UST: variants seen among roughly 807,000 people sequenced by gnomAD.
UST encodes the protein uronyl 2-sulfotransferase, also known as chondroitin sulfate 2-O-sulfotransferase.
Under a neutral mutation model 45.6 loss-of-function variants are expected in UST, and 21 were observed. The observed-to-expected ratio is 0.46, with a 90% confidence interval of 0.33 to 0.66. The LOEUF (loss-of-function observed/expected upper bound fraction) is 0.66. Among genes scored for constraint, UST ranks in the 30% least tolerant of loss-of-function variants. UST has a pLI of 0.02. For synonymous variants in UST, 215 were observed against 200.6 expected (o/e 1.07, Z -0.61); for missense variants, 463 against 512.4 (o/e 0.90, Z 0.93).
intron 1 of UST, among the ~76,000 whole-genome samples, chr6:148,830,223 C>A (rs1436460807): frequency 6.6e-6 from 1 of 152,202 alleles, no homozygotes; most frequent in Non-Finnish European, 1.5e-5. Flanking sequence ...CTGGACCACA[C>A]CCACCAATTT....
At chr6:149,009,491 T>C (rs778771086) in intron 5 of UST, among the ~76,000 whole-genome samples, 31 of 151,868 alleles carry the variant, frequency 2.0e-4, no homozygotes, top group Non-Finnish European at 2.9e-4. Flanking sequence ...AGGTCTACCA[T>C]GTGAGATTTC....
At chr6:148,999,323 A>G (rs999397165) in intron 5 of UST, among the ~76,000 whole-genome samples, 1 of 152,252 alleles carries the variant, frequency 6.6e-6, no homozygotes, top group Non-Finnish European at 1.5e-5. Context: ...AAATTTCATT[A>G]TCTTCAAAGA....
At chr6:148,922,364 G>A (rs964095678) in intron 2 of UST, among the ~76,000 whole-genome samples, 1 of 80,646 alleles carries the variant, frequency 1.2e-5, no homozygotes, top group African/African-American at 6.3e-5. Flanking sequence ...TACAATATGT[G>A]GCCTTTATGT....
intron 7 of UST, among the ~76,000 whole-genome samples, chr6:149,064,301 A>T (rs1383167656): frequency 6.6e-6 from 1 of 152,202 alleles, no homozygotes; most frequent in Non-Finnish European, 1.5e-5. Context: ...TTCGGGCTTC[A>T]CCACTTACCA....
At chr6:148,931,816 A>G (rs916865199) in intron 2 of UST, among the ~76,000 whole-genome samples, 15 of 152,236 alleles carry the variant, frequency 9.9e-5, no homozygotes, top group African/African-American at 3.6e-4. Flanking sequence ...AATTTTGATC[A>G]TAAAAGCCAT....
intron 5 of UST, among the ~76,000 whole-genome samples, chr6:149,014,419 C>A (rs544701971): frequency 9.2e-5 from 14 of 152,320 alleles, no homozygotes; most frequent in African/African-American, 3.4e-4. Context: ...GTGCCAGGTC[C>A]CAGCTGATGG....
intron 1 of UST, among the ~76,000 whole-genome samples, chr6:148,797,412 G>C (rs1374660837): frequency 1.3e-5 from 2 of 152,086 alleles, no homozygotes. Flanking sequence ...AAATCCAAAG[G>C]TCAATACATT....
intron 1 of UST, among the ~76,000 whole-genome samples, chr6:148,878,152 G>A (rs1778734935): frequency 8.9e-6 from 1 of 112,516 alleles, no homozygotes; most frequent in East Asian, 3.2e-4. Flanking sequence ...TGCGGGGGTC[G>A]TGTGTGAGTG....
chr6:148,767,847 T>A (rs1294111359), intron 1 of UST, among the ~76,000 whole-genome samples: 2 of 152,306 alleles, frequency 1.3e-5, no homozygotes, highest in Admixed American at 6.5e-5. Context: ...CTTTATATAT[T>A]TTTTTACAAC....
intron 1 of UST, among the ~76,000 whole-genome samples, chr6:148,759,555 AAT>A (rs112093336): frequency 9.0e-5 from 13 of 144,460 alleles, no homozygotes; most frequent in African/African-American, 3.1e-4. Context: ...AAAATAAAAA[AAT>A]AAAAGAATGC....
rs1320465125 is a variant in UST at position 148,790,429 on chromosome 6, G to C, written c.247+42752G>C. On this transcript the variant is annotated intron_variant, in intron 1 of 7. Transcript: ENST00000367463. This position sits in a 1 kb window ranked among gnomAD's most constrained non-coding sequence, Gnocchi z 4.2. Reference sequence around the variant, plus strand: ...AAAAAGAGGCCACTGGTTCAGATGAGGGCAAGGCAGTTGCCCAGGGGTAGA... The same window carrying C: ...AAAAAGAGGCCACTGGTTCAGATGACGGCAAGGCAGTTGCCCAGGGGTAGA... 6.6e-6 allele frequency among the ~76,000 whole-genome samples: 1 copy of C among 152,204 alleles called. No homozygotes were observed. The highest frequency in any genetic ancestry group is 1.5e-5 in the Non-Finnish European group (1 of 68,028).
At chr6:148,901,271 G>A (rs949833076) in intron 2 of UST, among the ~76,000 whole-genome samples, 29 of 152,190 alleles carry the variant, frequency 1.9e-4, no homozygotes, top group African/African-American at 7.0e-4. Flanking sequence ...TTGATAGTTT[G>A]ACATGATATG....
chr6:148,834,272 A>AT (rs1337001449), intron 1 of UST, among the ~76,000 whole-genome samples: 1 of 152,242 alleles, frequency 6.6e-6, no homozygotes, highest in East Asian at 1.9e-4. Context: ...AAAATAAAAC[A>AT]ATTTATTACC....
Position 148,790,304 on chromosome 6 carries a change from G to A in UST, c.247+42627G>A, listed in dbSNP as rs1197082766. Among the ~76,000 whole-genome samples, 4 of 152,130 alleles carry A rather than the reference G, an allele frequency of 2.6e-5. No individual in the cohort carries two copies. Among genetic ancestry groups the A allele is most frequent in the African/African-American group, 7.2e-5 (3 of 41,420 alleles). ...GAAAGCTTCTGGGAGTAGAGACCCC[G>A]TTTTGCTGTCTGCTCTCTCCAGCGC... On this transcript the variant is annotated intron_variant, in intron 1 of 7. Transcript: ENST00000367463. The surrounding 1 kb of genome is among the most constrained non-coding windows in gnomAD (Gnocchi z 4.2).
At chr6:148,842,289 CAAG>C (rs1777905795) in intron 1 of UST, among the ~76,000 whole-genome samples, 2 of 152,124 alleles carry the variant, frequency 1.3e-5, no homozygotes, top group Non-Finnish European at 2.9e-5. Context: ...GTTGTGTAGA[CAAG>C]AAGGGGCTTT....
intron 1 of UST, among the ~76,000 whole-genome samples, chr6:148,793,497 T>C (rs1257977486): frequency 2.0e-5 from 3 of 152,204 alleles, no homozygotes; most frequent in African/African-American, 7.2e-5. Context: ...GAACTTCATA[T>C]GCAGTCATGT....
chr6:148,783,674 C>T (rs1406987563), intron 1 of UST, among the ~76,000 whole-genome samples: 1 of 152,156 alleles, frequency 6.6e-6, no homozygotes, highest in Admixed American at 6.5e-5. Context: ...TAGAGATGAA[C>T]TTGTCTGGTG....
At chr6:148,749,683 T>C (rs1346979994) in intron 1 of UST, among the ~76,000 whole-genome samples, 2 of 152,150 alleles carry the variant, frequency 1.3e-5, no homozygotes, top group Non-Finnish European at 2.9e-5. Flanking sequence ...TTTCAACATA[T>C]ATTGCATTAA....
chr6:149,001,239 T>C (rs1048005632), intron 5 of UST, among the ~76,000 whole-genome samples: 1 of 151,986 alleles, frequency 6.6e-6, no homozygotes, highest in Non-Finnish European at 1.5e-5. Context: ...GCCTGGCTAA[T>C]TTTTTTGTAT....
Sources: allele counts gnomAD v4.1 joint callset (sites outside exome capture counted in the v4.1 genomes callset), GRCh38; gene constraint gnomAD v4.1.1; non-coding constraint Gnocchi (gnomAD v3.1); transcripts MANE v1.5; gene names NCBI Gene and HGNC (gene_info 2026-07-23, HGNC 2026-07-21).